Variants in KIAA1549 observed in about 807,000 individuals in gnomAD.
KIAA1549 encodes UPF0606 protein KIAA1549.
KIAA1549 carries 70 observed loss-of-function variants against 156.4 expected under a neutral mutation model. The observed-to-expected ratio is 0.45, with a 90% CI of 0.37 to 0.55. KIAA1549 has a LOEUF of 0.55. Ranked by LOEUF, KIAA1549 falls within the 20% of genes least tolerant of loss-of-function variation. The probability of loss-of-function intolerance (pLI) is 0.00; values close to 1 mark genes in which losing one functional copy is unlikely to be tolerated. For synonymous variants in KIAA1549, 1,103 were observed against 1,066.4 expected (o/e 1.03, Z -0.67); for missense variants, 2,428 against 2,540.9 (o/e 0.96, Z 0.96).
chr7:138,955,089 T>C (rs1421971432), intron 1 of KIAA1549, among the ~76,000 whole-genome samples: 1 of 152,172 alleles, frequency 6.6e-6, no homozygotes, highest in Admixed American at 6.5e-5. Flanking sequence ...TGTCCTACTA[T>C]GTGCCAGAGA....
intron 6 of KIAA1549, 51 bp downstream of exon 6, chr7:138,906,868 C>T (rs1366471361): frequency 9.8e-6 from 13 of 1,326,424 alleles, no homozygotes; most frequent in South Asian, 2.3e-5. Context: ...GGTCTTCCAC[C>T]AAAAATGCCC....
chr7:138,867,097 A>G (rs972795920), intron 15 of KIAA1549, among the ~76,000 whole-genome samples: 2 of 152,140 alleles, frequency 1.3e-5, no homozygotes, highest in African/African-American at 4.8e-5. Flanking sequence ...GCCACCACTC[A>G]TTATTTCTTA....
intron 11 of KIAA1549, 146 bp from the exon 12 acceptor site, chr7:138,879,799 C>G (rs1018216144): frequency 1.5e-5 from 9 of 606,254 alleles, no homozygotes; most frequent in Non-Finnish European, 2.6e-5. Flanking sequence ...AGCACAGCGT[C>G]TTCAAGGATC....
At chr7:138,969,143 T>C (rs1200620198) in intron 1 of KIAA1549, among the ~76,000 whole-genome samples, 1 of 152,204 alleles carries the variant, frequency 6.6e-6, no homozygotes, top group Non-Finnish European at 1.5e-5. Context: ...AGTTACGATT[T>C]AGCTCCCCCA....
intron 1 of KIAA1549, among the ~76,000 whole-genome samples, chr7:138,938,006 C>T (rs566936378): frequency 2.0e-5 from 3 of 152,192 alleles, no homozygotes; most frequent in African/African-American, 7.2e-5. Flanking sequence ...ATATTTGTGT[C>T]CCCCTAAAAT....
chr7:138,832,529 A>T lies in KIAA1549; in HGVS notation c.*5377T>A, dbSNP rs1193062798. ...ACTCTTTCTTTAGAAATGTGAAGTG[A>T]CCCCTGAAAAACCTGGAGGAAGAAG... On this transcript the variant is annotated 3_prime_UTR_variant, in exon 20 of 20. Coordinates refer to ENST00000422774, the MANE Select transcript of KIAA1549 (RefSeq NM_001164665.2). 5.0e-6 allele frequency: 1 copy of T among 199,154 alleles called. No homozygotes were observed. The highest frequency in any genetic ancestry group is 6.0e-5 in the Admixed American group (1 of 16,540). 12.3% of individuals were successfully genotyped at this position (199,154 alleles called of 1,614,324 possible).
intron 17 of KIAA1549, among the ~76,000 whole-genome samples, chr7:138,846,685 C>T (rs2130339823): frequency 6.6e-6 from 1 of 152,180 alleles, no homozygotes; most frequent in Middle Eastern, 3.4e-3. Flanking sequence ...GACACGCCCT[C>T]CCCCAAAAGG....
chr7:138,901,932 T>C (rs1811854505), intron 8 of KIAA1549, among the ~76,000 whole-genome samples: 2 of 149,228 alleles, frequency 1.3e-5, no homozygotes, highest in South Asian at 4.4e-4. Context: ...GCATGCCTAC[T>C]AAGAGAGCTT....
intron 1 of KIAA1549, among the ~76,000 whole-genome samples, chr7:138,951,960 C>T (rs1813513427): frequency 6.6e-6 from 1 of 152,156 alleles, no homozygotes; most frequent in South Asian, 2.1e-4. Flanking sequence ...CCTCTGGAAT[C>T]GAACAATCTG....
intron 1 of KIAA1549, among the ~76,000 whole-genome samples, chr7:138,936,806 C>T (rs370048048): frequency 1.4e-5 from 2 of 145,782 alleles, no homozygotes; most frequent in Non-Finnish European, 3.0e-5. Context: ...AACCCTGTAA[C>T]TGCCCCGGCC....
chr7:138,980,958 A>C, intron 1 of KIAA1549, 125 bp downstream of exon 1: 1 of 909,050 alleles, frequency 1.1e-6, no homozygotes, highest in Non-Finnish European at 1.4e-6. Context: ...AGCATCTTCC[A>C]GAAAGGACGG....
intron 12 of KIAA1549, among the ~76,000 whole-genome samples, chr7:138,872,550 A>G (rs757200077): frequency 2.1e-4 from 32 of 152,154 alleles, no homozygotes; most frequent in Non-Finnish European, 4.3e-4. Flanking sequence ...TTTAATTTTG[A>G]AAAAAGAGAA....
At chr7:138,902,989 TAC>T (rs1443944826) in intron 8 of KIAA1549, among the ~76,000 whole-genome samples, 1 of 152,218 alleles carries the variant, frequency 6.6e-6, no homozygotes, top group Non-Finnish European at 1.5e-5. Flanking sequence ...CTTTATTCTT[TAC>T]ACATTTTTTA....
At chr7:138,942,369 C>T (rs2130525267) in intron 1 of KIAA1549, among the ~76,000 whole-genome samples, 1 of 151,692 alleles carries the variant, frequency 6.6e-6, no homozygotes, top group Non-Finnish European at 1.5e-5. Flanking sequence ...GAGGTTTAAA[C>T]AACATGTAAA....
chr7:138,881,448 T>G lies in KIAA1549; in HGVS notation c.4169A>C (p.Asn1390Thr). Residue 1390 changes from asparagine (N) to threonine (T), a missense_variant, in exon 11 of 20, where the codon AAT becomes ACT. By Grantham distance (65) the Asn-to-Thr change is moderately conservative. Around this residue, in one of 5 missense-constraint regions of KIAA1549, gnomAD observed 404 missense variants for 417.0 expected, o/e 0.97. Transcript: ENST00000422774. The part of the protein sequence containing the change: ...PLKDHTTPSE[N>T]GDVPSPKSKI... ...TGACTTGGGGCTTGGCACGTCTCCA[T>G]TTTCCGAGGGCGTGGTGTGGTCCTT... 1 of 1,614,000 alleles carries G rather than the reference T, an allele frequency of 6.2e-7. No homozygotes were observed.
chr7:138,919,396 A>G lies in KIAA1549; in HGVS notation c.230T>C (p.Met77Thr). The change falls in exon 2 of 20, where the codon ATG becomes ACG. Residue 77 changes from methionine (M) to threonine (T), a missense_variant. By Grantham distance (81) the Met-to-Thr change is moderately conservative (BLOSUM62 -1). This residue lies in a region of KIAA1549 where 893 missense variants were observed against 847.9 expected (regional missense o/e 1.05). Coordinates refer to ENST00000422774, the MANE Select transcript of KIAA1549 (RefSeq NM_001164665.2). ...AGTGCTTTTCTTCAGCACGAGCTCC[A>G]TGGAGTATAAAGAAAGGTTGTGCTG... Reference protein sequence around the residue: ...PEQHNLSLYSMELVLKKSTGH... With the variant: ...PEQHNLSLYSTELVLKKSTGH... 1.9e-6 allele frequency: 3 copies of G among 1,614,034 alleles called. No individual in the cohort carries two copies. Among genetic ancestry groups the G allele is most frequent in the South Asian group, 1.1e-5 (1 of 91,080 alleles).
intron 4 of KIAA1549, among the ~76,000 whole-genome samples, chr7:138,909,506 G>T (rs754408911): frequency 6.6e-6 from 1 of 152,108 alleles, no homozygotes; most frequent in Non-Finnish European, 1.5e-5. Context: ...CCACAAAAAC[G>T]TTCACAGGGG....
intron 1 of KIAA1549, among the ~76,000 whole-genome samples, chr7:138,931,752 CAAAAAAAA>C (rs71169066): frequency 0.32 from 32,448 of 101,516 alleles, 4,579 homozygotes; most frequent in African/African-American, 0.45. Context: ...AGTCCCATCT[CAAAAAAAA>C]AAAAAAAAAA....
intron 12 of KIAA1549, among the ~76,000 whole-genome samples, chr7:138,877,055 C>T (rs1811105120): frequency 1.3e-5 from 2 of 152,190 alleles, no homozygotes; most frequent in South Asian, 4.1e-4. Flanking sequence ...AGCTGTACCA[C>T]CCGCAGGAGT....
Sources: allele counts gnomAD v4.1 joint callset (sites outside exome capture counted in the v4.1 genomes callset), GRCh38; gene constraint gnomAD v4.1.1; regional missense constraint gnomAD v4.1.1; transcripts MANE v1.5; gene names NCBI Gene and HGNC (gene_info 2026-07-23, HGNC 2026-07-21).